TENM3: variants seen among roughly 807,000 people sequenced by gnomAD.
TENM3 encodes teneurin transmembrane protein 3, also known as teneurin-3.
TENM3 carries 63 observed loss-of-function variants against 255.1 expected under a neutral mutation model. The ratio of observed to expected loss-of-function variants is 0.25; its 90% CI spans 0.20 to 0.30. The LOEUF (loss-of-function observed/expected upper bound fraction) is 0.30, where lower values mean the gene tolerates loss of function less well. Ranked by LOEUF, TENM3 falls within the 10% of genes least tolerant of loss-of-function variation. The pLI is 1.00. For synonymous variants in TENM3, 1,306 were observed against 1,322.3 expected, an observed-to-expected ratio of 0.99 and a Z score of 0.27; for missense variants, 2,929 against 3,461.1, an observed-to-expected ratio of 0.85 and a Z score of 3.86.
the TENM3 span, among the ~76,000 whole-genome samples, chr4:181,821,359 G>T: frequency 1.7e-4 from 26 of 152,180 alleles, no homozygotes; most frequent in African/African-American, 5.8e-4. Flanking sequence ...AATCCCCTTT[G>T]GTGTTTTGTC....
chr4:182,162,360 T>G (rs920455182), intron 1 of TENM3, among the ~76,000 whole-genome samples: 8 of 152,062 alleles, frequency 5.3e-5, no homozygotes, highest in African/African-American at 1.9e-4. Context: ...GGTACAAAAA[T>G]AGAAGAAGAC....
the TENM3 span, among the ~76,000 whole-genome samples, chr4:181,772,406 A>T: frequency 1.3e-5 from 2 of 152,066 alleles, no homozygotes; most frequent in Admixed American, 6.6e-5. Context: ...ATAATAATTT[A>T]AAAAATAGAA....
rs141797955 is a variant in TENM3 at position 182,222,058 on chromosome 4, C to A, written c.-76+77304C>A. On this transcript the variant is annotated intron_variant, in intron 1 of 2. Transcript: ENST00000512480. Reference sequence around the variant, plus strand: ...TGTTAAAGTTCAAGGCTTCCATCAACCTCCATCAGCGATTCCAGGCAGGAG... The same window carrying A: ...TGTTAAAGTTCAAGGCTTCCATCAAACTCCATCAGCGATTCCAGGCAGGAG... Among the ~76,000 whole-genome samples the A allele has an allele frequency of 5.8e-3, 878 of 152,288 alleles. 4 individuals are homozygous for A. Among genetic ancestry groups the A allele is most frequent in the African/African-American group, 0.02 (813 of 41,558 alleles).
the TENM3 span, among the ~76,000 whole-genome samples, chr4:182,098,955 C>CT: frequency 1.6e-3 from 212 of 133,802 alleles, 9 homozygotes; most frequent in African/African-American, 4.6e-3. Flanking sequence ...GTGCACAACT[C>CT]TTTTTTTCTT....
At chr4:181,573,178 T>C in the TENM3 span, among the ~76,000 whole-genome samples, 1 of 152,224 alleles carries the variant, frequency 6.6e-6, no homozygotes, top group Admixed American at 6.5e-5. Context: ...ATCTTGGCTA[T>C]TGTGAATAGC....
At chr4:181,694,852 C>T in the TENM3 span, among the ~76,000 whole-genome samples, 1 of 152,174 alleles carries the variant, frequency 6.6e-6, no homozygotes, top group South Asian at 2.1e-4. Context: ...TAAGACTCTG[C>T]TATCCTAGAA....
chr4:182,093,586 G>A, the TENM3 span, among the ~76,000 whole-genome samples: 4 of 152,128 alleles, frequency 2.6e-5, no homozygotes, highest in African/African-American at 4.8e-5. Context: ...ATGAGCCCCC[G>A]TAGAGCCAAC....
chr4:182,315,085 A>G (rs1395130670), intron 1 of TENM3, among the ~76,000 whole-genome samples: 1 of 152,120 alleles, frequency 6.6e-6, no homozygotes, highest in African/African-American at 2.4e-5. Flanking sequence ...CCTTTATGCT[A>G]TTATTGAGAT....
chr4:182,788,652 C>T (rs1765867890), intron 24 of TENM3, among the ~76,000 whole-genome samples: 1 of 152,208 alleles, frequency 6.6e-6, no homozygotes, highest in Non-Finnish European at 1.5e-5. Flanking sequence ...CCAACTTCTA[C>T]TTAACTGCTC....
At chr4:182,258,541 T>A (rs1758577843) in intron 1 of TENM3, among the ~76,000 whole-genome samples, 2 of 150,476 alleles carry the variant, frequency 1.3e-5, no homozygotes. Flanking sequence ...AAAAAAAAAA[T>A]ACAGCAAAGA....
chr4:182,407,335 G>T (rs549202520), intron 3 of TENM3, among the ~76,000 whole-genome samples: 1 of 152,248 alleles, frequency 6.6e-6, no homozygotes, highest in South Asian at 2.1e-4. Context: ...ATTTAAAGTG[G>T]AATAGCGATT....
At chr4:182,717,780 A>G (rs1305366639) in intron 13 of TENM3, among the ~76,000 whole-genome samples, 1 of 152,214 alleles carries the variant, frequency 6.6e-6, no homozygotes, top group Non-Finnish European at 1.5e-5. Flanking sequence ...CATGGCTTAT[A>G]AATCTTTCTT....
At chr4:182,607,808 G>A (rs903659474) in intron 4 of TENM3, among the ~76,000 whole-genome samples, 3 of 152,120 alleles carry the variant, frequency 2.0e-5, no homozygotes, top group Non-Finnish European at 2.9e-5. Context: ...GATAATGTTT[G>A]GCTTTGGATA....
intron 3 of TENM3, among the ~76,000 whole-genome samples, chr4:182,455,372 C>T (rs143798757): frequency 2.6e-5 from 4 of 152,084 alleles, no homozygotes; most frequent in African/African-American, 9.6e-5. Flanking sequence ...TTAATCCAGC[C>T]TCCACACTGT....
the TENM3 span, among the ~76,000 whole-genome samples, chr4:181,550,089 C>T: frequency 1.3e-5 from 2 of 152,070 alleles, no homozygotes; most frequent in Non-Finnish European, 2.9e-5. Context: ...AATGTGGTAA[C>T]CTAAACAAAA....
chr4:181,836,058 G>C, the TENM3 span, among the ~76,000 whole-genome samples: 2 of 151,918 alleles, frequency 1.3e-5, no homozygotes, highest in Admixed American at 6.6e-5. Flanking sequence ...AAGTCCTATG[G>C]GTACTACCTG....
At chr4:182,048,592 G>A in the TENM3 span, among the ~76,000 whole-genome samples, 1,007 of 152,226 alleles carry the variant, frequency 6.6e-3, 6 homozygotes, top group Non-Finnish European at 9.4e-3. Context: ...GACTTCAATC[G>A]AATAGCATGT....
At chr4:181,566,389 GTTTGGAAAAATAAAAATC>G in the TENM3 span, among the ~76,000 whole-genome samples, 39 of 152,156 alleles carry the variant, frequency 2.6e-4, no homozygotes, top group Admixed American at 2.6e-4. Flanking sequence ...CTAAATACAT[GTTTGGAAAAATAAAAATC>G]TTTATTACTA....
At chr4:181,991,417 G>T in the TENM3 span, among the ~76,000 whole-genome samples, 1 of 152,232 alleles carries the variant, frequency 6.6e-6, no homozygotes, top group East Asian at 1.9e-4. Flanking sequence ...TTATGTAAAA[G>T]GTTTCCGCCT....
Sources: allele counts gnomAD v4.1 joint callset (sites outside exome capture counted in the v4.1 genomes callset), GRCh38; gene constraint gnomAD v4.1.1; transcripts MANE v1.5; gene names NCBI Gene and HGNC (gene_info 2026-07-23, HGNC 2026-07-21).